The following UBE4B variants were observed in gnomAD, a reference collection of about 807,000 sequenced individuals.
UBE4B encodes ubiquitination factor E4B.
Under a neutral mutation model 148.1 loss-of-function variants are expected in UBE4B, and 27 were observed. The observed-to-expected ratio is 0.18, with a 90% CI of 0.13 to 0.25. The LOEUF (loss-of-function observed/expected upper bound fraction) is 0.25, where lower values mean the gene tolerates loss of function less well. UBE4B is among the 10% of genes least tolerant of loss of function. The pLI is 1.00. For synonymous variants in UBE4B, 596 were observed against 619.3 expected (o/e 0.96, Z 0.56); for missense variants, 1,170 against 1,662.4 (o/e 0.70, Z 5.15).
At chr1:10,173,889 G>A (rs12078483) in intron 25 of UBE4B, among the ~76,000 whole-genome samples, 15,666 of 152,156 alleles carry the variant, frequency 0.1, 1,676 homozygotes, top group African/African-American at 0.27. Flanking sequence ...TGCTTTGAGC[G>A]GCCTTTGTTT....
chr1:10,085,282 C>G lies in UBE4B; in HGVS notation c.212-10179C>G, dbSNP rs138700382. On this transcript the variant is annotated intron_variant, in intron 2 of 27. Transcript: ENST00000343090. ...AAGCAAAACTCCTTTGTTCCCTTCT[C>G]CTTCTCCTAGTGACAGGAAATATTG... Among the ~76,000 whole-genome samples, 97 of 152,328 alleles carry G rather than the reference C, an allele frequency of 6.4e-4. No individual in the cohort carries two copies. In the East Asian group the frequency reaches 7.1e-3, roughly 11 times the overall value.
intron 22 of UBE4B, among the ~76,000 whole-genome samples, chr1:10,160,280 G>A (rs557405698): frequency 8.5e-5 from 13 of 152,316 alleles, no homozygotes; most frequent in African/African-American, 2.9e-4. Flanking sequence ...CCATGCGTCA[G>A]TCTTTGTGAT....
chr1:10,178,870 C>T (rs1232829389), intron 26 of UBE4B, 52 bp downstream of exon 26: 8 of 1,537,710 alleles, frequency 5.2e-6, no homozygotes, highest in South Asian at 1.3e-5. Flanking sequence ...AACTGGAAAT[C>T]GATAACATTA....
At chr1:10,065,959 A>G (rs1644378342) in intron 1 of UBE4B, among the ~76,000 whole-genome samples, 1 of 152,116 alleles carries the variant, frequency 6.6e-6, no homozygotes, top group South Asian at 2.1e-4. Context: ...TACACATAAC[A>G]TAAAAATATG....
chr1:10,141,355 G>A (rs1460271992), intron 17 of UBE4B, among the ~76,000 whole-genome samples: 4 of 152,180 alleles, frequency 2.6e-5, no homozygotes, highest in African/African-American at 9.6e-5. Flanking sequence ...AGGGAGAGAC[G>A]GAATGTGATG....
At chr1:10,057,744 A>G (rs566117231) in intron 1 of UBE4B, among the ~76,000 whole-genome samples, 2,619 of 152,046 alleles carry the variant, frequency 0.017, 34 homozygotes, top group Non-Finnish European at 0.027. Context: ...AAAAAAAAAA[A>G]AAAGAAAGAA....
intron 23 of UBE4B, among the ~76,000 whole-genome samples, chr1:10,165,856 A>G (rs1646238403): frequency 6.6e-6 from 1 of 151,900 alleles, no homozygotes; most frequent in Non-Finnish European, 1.5e-5. Context: ...CTGTCTGGGT[A>G]TTTGTTTCTA....
chr1:10,147,836 T>TTTATTA (rs1396107780), intron 19 of UBE4B, among the ~76,000 whole-genome samples: 1 of 152,134 alleles, frequency 6.6e-6, no homozygotes, highest in African/African-American at 2.4e-5. Context: ...TTTTGTTTTA[T>TTTATTA]TTATTATTAT....
chr1:10,113,415 A>T (rs375633338), intron 7 of UBE4B, among the ~76,000 whole-genome samples: 1 of 152,218 alleles, frequency 6.6e-6, no homozygotes, highest in African/African-American at 2.4e-5. Flanking sequence ...AACCATATCA[A>T]TCACCAAAAC....
rs752861979 is a variant in UBE4B, at chr1:10,038,548, A to C, written c.24+4854A>C. ...ACTTGTCCATAGCGACCTGGCTTAG[A>C]AGTGATGGGGTTGGAATTCAAACCC... On this transcript the variant is annotated intron_variant, in intron 1 of 27. Coordinates refer to ENST00000343090, the MANE Select transcript of UBE4B (RefSeq NM_001105562.3). 1.4e-4 allele frequency among the ~76,000 whole-genome samples: 21 copies of C among 152,156 alleles called. 1 individual carries two copies. Among genetic ancestry groups the C allele is most frequent in the Non-Finnish European group, 2.5e-4 (17 of 68,024 alleles).
intron 5 of UBE4B, among the ~76,000 whole-genome samples, chr1:10,104,132 T>A (rs1357267325): frequency 6.6e-6 from 1 of 152,230 alleles, no homozygotes; most frequent in African/African-American, 2.4e-5. Flanking sequence ...CTGTATGAGC[T>A]ATACCTGCTT....
chr1:10,147,047 C>T lies in UBE4B; in HGVS notation c.2548C>T (p.Leu850Phe). 1 of 1,614,176 alleles carries T rather than the reference C, an allele frequency of 6.2e-7. No homozygotes were observed. The part of the protein sequence containing the change: ...LRRCLNFYGL[L>F]IQLLLRILDP... ...AAGATGTCTGAATTTTTATGGCCTT[C>T]TCATTCAGCTGCTGCTCCGCATCCT... The change falls in exon 19 of 28, where the codon CTC (leucine) becomes TTC (phenylalanine). Residue 850 changes from leucine (L) to phenylalanine (F), a missense_variant. Physicochemically the swap from Leu to Phe is conservative, Grantham distance 22 (BLOSUM62 0). Around this residue, in one of 6 missense-constraint regions of UBE4B, gnomAD observed 348 missense variants for 627.2 expected, o/e 0.55. Transcript: ENST00000343090.
chr1:10,049,601 A>T (rs573089711), intron 1 of UBE4B, among the ~76,000 whole-genome samples: 120 of 151,844 alleles, frequency 7.9e-4, no homozygotes, highest in African/African-American at 2.6e-3. Context: ...AAATTTTTTT[A>T]AATTAGGAAA....
intron 7 of UBE4B, among the ~76,000 whole-genome samples, chr1:10,113,668 C>G (rs978729300): frequency 6.6e-6 from 1 of 152,104 alleles, no homozygotes; most frequent in South Asian, 2.1e-4. Context: ...CATGAGCCAG[C>G]GCCATCTAAG....
rs1456860326 is a variant in UBE4B at position 10,178,661 on chromosome 1, A to G, written c.3543A>G (p.Glu1181=). Reference sequence around the variant, plus strand: ...CTTTGCAGAGATCCTACAGTAAGGAATTGTTTGAAGAAGTTATTTCAAAGA... The same window carrying G: ...CTTTGCAGAGATCCTACAGTAAGGAGTTGTTTGAAGAAGTTATTTCAAAGA... ...IADDQRSYSK[E]LFEEVISKMR... The change falls in exon 26 of 28, where the codon GAA becomes GAG. Residue 1181 remains glutamate, a synonymous_variant. Transcript: ENST00000343090. 6 of 1,611,844 alleles carry G rather than the reference A, an allele frequency of 3.7e-6. No individual in the cohort carries two copies. Among genetic ancestry groups the G allele is most frequent in the Non-Finnish European group, 5.1e-6 (6 of 1,179,312 alleles).
intron 1 of UBE4B, among the ~76,000 whole-genome samples, chr1:10,050,696 A>G (rs1209358156): frequency 6.6e-6 from 1 of 151,530 alleles, no homozygotes; most frequent in East Asian, 1.9e-4. Context: ...GCAGTGATAC[A>G]ACATGTCTTT....
intron 1 of UBE4B, among the ~76,000 whole-genome samples, chr1:10,052,446 G>C (rs1041023817): frequency 6.6e-6 from 1 of 152,150 alleles, no homozygotes; most frequent in African/African-American, 2.4e-5. Context: ...TTTGGGAATT[G>C]AACTTCTAAG....
chr1:10,107,297 AGATGAT>A, intron 7 of UBE4B: 3 of 1,289,598 alleles, frequency 2.3e-6, no homozygotes, highest in South Asian at 1.2e-5. Flanking sequence ...ATGAAGAAGA[AGATGAT>A]GATGATGGTG....
At chr1:10,174,143 C>T (rs1646379469) in intron 25 of UBE4B, among the ~76,000 whole-genome samples, 1 of 152,234 alleles carries the variant, frequency 6.6e-6, no homozygotes, top group African/African-American at 2.4e-5. Context: ...CACCTGTAAT[C>T]CCAGCACTTT....
Sources: gnomAD v4.1 joint callset for allele counts (sites outside exome capture counted in the v4.1 genomes callset) on GRCh38, gnomAD v4.1.1 for gene constraint, gnomAD v4.1.1 regional missense constraint, MANE v1.5 for transcripts, NCBI Gene and HGNC (gene_info 2026-07-23, HGNC 2026-07-21) for gene names.